The following KDM3A variants were observed in gnomAD, a reference collection of about 807,000 sequenced individuals.
The protein encoded by KDM3A is lysine-specific demethylase 3A.
A neutral mutation model predicts 158.0 loss-of-function variants in KDM3A; 60 were observed. That is an observed-to-expected ratio of 0.38 (90% CI 0.31 to 0.47). The LOEUF is 0.47. Ranked by LOEUF, KDM3A falls within the 20% of genes least tolerant of loss-of-function variation. The pLI is 0.99. For synonymous variants in KDM3A, 608 were observed against 549.3 expected (o/e 1.11, Z -1.49); for missense variants, 1,319 against 1,574.3 (o/e 0.84, Z 2.74).
chr2:86,461,954 G>T (rs1416956267), intron 8 of KDM3A, among the ~76,000 whole-genome samples: 1 of 152,154 alleles, frequency 6.6e-6, no homozygotes, highest in Non-Finnish European at 1.5e-5. Flanking sequence ...GATTCTTGTA[G>T]GCAGTGGACT....
intron 19 of KDM3A, chr2:86,484,655 C>A: frequency 3.0e-6 from 1 of 332,392 alleles, no homozygotes; most frequent in Non-Finnish European, 5.5e-6. Flanking sequence ...CTAGGAAAGA[C>A]AAGGCCCTGA....
At chr2:86,441,699 C>A (rs111226991) in intron 1 of KDM3A, among the ~76,000 whole-genome samples, 19,471 of 150,988 alleles carry the variant, frequency 0.13, 1,379 homozygotes, top group Middle Eastern at 0.16. Flanking sequence ...GGGGCCTTTT[C>A]TTTTCGGGGC....
intron 19 of KDM3A, chr2:86,484,547 A>C (rs1046417270): frequency 3.4e-5 from 8 of 237,584 alleles, no homozygotes; most frequent in Non-Finnish European, 4.9e-5. Context: ...GAGGAGGAGC[A>C]GATTGGATCG....
chr2:86,439,909 C>T (rs141581055), upstream of KDM3A, among the ~76,000 whole-genome samples: 590 of 152,256 alleles, frequency 3.9e-3, 1 homozygote, highest in Non-Finnish European at 6.7e-3. Flanking sequence ...TTTCAAGCTT[C>T]CTGTTTTGTA....
At chr2:86,491,518 G>A (rs756798746) in intron 25 of KDM3A, 2 of 496,630 alleles carry the variant, frequency 4.0e-6, no homozygotes, top group South Asian at 2.5e-5. Flanking sequence ...ACAGAGAAAG[G>A]CCTTAGTACT....
At chr2:86,484,847 A>C in intron 19 of KDM3A, 95 bp from the exon 20 acceptor site, 2 of 654,256 alleles carry the variant, frequency 3.1e-6, no homozygotes, top group Middle Eastern at 2.6e-4. Context: ...GACATATTTT[A>C]TTTGTATTGT....
At chr2:86,466,928 T>G in intron 10 of KDM3A, 45 bp downstream of exon 10, 2 of 1,374,732 alleles carry the variant, frequency 1.5e-6, no homozygotes, top group Non-Finnish European at 2.0e-6. Context: ...TAAGAAATGG[T>G]AGATATATAT....
At chr2:86,461,616 C>T (rs1227183756) in intron 8 of KDM3A, among the ~76,000 whole-genome samples, 1 of 152,252 alleles carries the variant, frequency 6.6e-6, no homozygotes, top group African/African-American at 2.4e-5. Context: ...AAGGTACTTT[C>T]ATGGTGTGAT....
At chr2:86,482,888 G>A (rs904990079) in intron 18 of KDM3A, 194 bp downstream of exon 18, 7 of 577,040 alleles carry the variant, frequency 1.2e-5, no homozygotes, top group African/African-American at 1.9e-5. Context: ...TCCTAAGCTG[G>A]ACTTTTCCAG....
intron 2 of KDM3A, 60 bp from the exon 3 acceptor site, chr2:86,449,747 G>A: frequency 6.5e-7 from 1 of 1,527,370 alleles, no homozygotes; most frequent in Non-Finnish European, 8.8e-7. Context: ...TGGGGCATTT[G>A]TAATGCTTAT....
intron 21 of KDM3A, chr2:86,489,077 C>A (rs1266714491): frequency 1.7e-5 from 7 of 412,326 alleles, no homozygotes; most frequent in African/African-American, 1.4e-4. Context: ...TTTGGCAAAT[C>A]CCAGCTTCGG....
intron 8 of KDM3A, 148 bp from the exon 9 acceptor site, chr2:86,463,905 A>G (rs1328064201): frequency 2.0e-6 from 1 of 505,836 alleles, no homozygotes; most frequent in Non-Finnish European, 3.4e-6. Flanking sequence ...TGTATAGTTT[A>G]TCACTTGTTT....
chr2:86,491,729 G>T, intron 25 of KDM3A: 1 of 345,916 alleles, frequency 2.9e-6, no homozygotes, highest in Non-Finnish European at 5.3e-6. Flanking sequence ...TTCATGTTTG[G>T]AAAATAAGGG....
At chr2:86,481,011 A>G (rs1176605209) in intron 16 of KDM3A, among the ~76,000 whole-genome samples, 1 of 152,222 alleles carries the variant, frequency 6.6e-6, no homozygotes, top group Non-Finnish European at 1.5e-5. Context: ...GACAATTAGC[A>G]AGTGGCCGGA....
chr2:86,470,631 T>A (rs1269873359), intron 11 of KDM3A, among the ~76,000 whole-genome samples: 3 of 152,178 alleles, frequency 2.0e-5, no homozygotes, highest in Admixed American at 6.5e-5. Context: ...AAATATAAAC[T>A]TCTATTTCAA....
At chr2:86,448,609 G>C (rs1683046258) in intron 2 of KDM3A, among the ~76,000 whole-genome samples, 1 of 152,116 alleles carries the variant, frequency 6.6e-6, no homozygotes, top group African/African-American at 2.4e-5. Context: ...GGTAAGGGAA[G>C]GTTTGTTTGA....
In KDM3A at chr2:86,456,841, C is replaced by T. The variant is rs763936963; in HGVS notation, c.718C>T (p.His240Tyr). ...GAAAATTGTTGATCCGTCACTGATT[C>T]ATGTTGAAGTTGTACACGATAACCT... ...ALKIVDPSLIHVEVVHDNLVT... is the reference protein window; with the variant it reads ...ALKIVDPSLIYVEVVHDNLVT... The change falls in exon 7 of 26, where the codon CAT becomes TAT. Residue 240 changes from histidine to tyrosine, a missense_variant. His to Tyr is a moderately conservative substitution (Grantham distance 83). Coordinates refer to ENST00000312912, the MANE Select transcript of KDM3A (RefSeq NM_018433.6). The T allele has an allele frequency of 6.2e-7, 1 of 1,612,426 alleles. No homozygotes were observed. Among genetic ancestry groups the T allele is most frequent in the Admixed American group, 1.7e-5 (1 of 59,940 alleles).
In KDM3A at chr2:86,489,330, C is replaced by G. The variant is rs202218940; in HGVS notation, c.3326C>G (p.Pro1109Arg). The stretch of plus-strand genomic sequence containing the variant: ...TTTGTTTTTGCAGGATTAATCACTC[C>G]TGAAGATCGGAAATATGGAACAACA... Reference protein sequence around the residue: ...KMYNAYGLITPEDRKYGTTNL... With the variant: ...KMYNAYGLITREDRKYGTTNL... Residue 1109 changes from proline (P) to arginine (R), a missense_variant, in exon 22 of 26, where the codon CCT becomes CGT. Physicochemically the swap from Pro to Arg is moderately radical, Grantham distance 103. Transcript: ENST00000312912. 21 of 1,613,684 alleles carry G rather than the reference C, an allele frequency of 1.3e-5. No individual in the cohort carries two copies. The highest frequency in any genetic ancestry group is 1.6e-5 in the Non-Finnish European group (19 of 1,179,844).
At chr2:86,447,010 C>T (rs932224203) in intron 2 of KDM3A, among the ~76,000 whole-genome samples, 4 of 152,146 alleles carry the variant, frequency 2.6e-5, no homozygotes, top group African/African-American at 9.7e-5. Flanking sequence ...CGAAGTTTCC[C>T]CACGTTGCCT....
Sources: gnomAD v4.1 joint callset for allele counts (sites outside exome capture counted in the v4.1 genomes callset) on GRCh38, gnomAD v4.1.1 for gene constraint, MANE v1.5 for transcripts, NCBI Gene and HGNC (gene_info 2026-07-23, HGNC 2026-07-21) for gene names.